Variants in ZFHX4 observed in about 807,000 individuals in gnomAD.
ZFHX4 encodes zinc finger homeobox 4, also known as zinc finger homeobox protein 4.
A neutral mutation model predicts 267.6 loss-of-function variants in ZFHX4; 56 were observed. The ratio of observed to expected loss-of-function variants is 0.21; its 90% CI spans 0.17 to 0.26. The LOEUF (loss-of-function observed/expected upper bound fraction) is 0.26. Among genes scored for constraint, ZFHX4 ranks in the 10% least tolerant of loss-of-function variants. The probability of loss-of-function intolerance (pLI) is 1.00; values close to 1 mark genes in which losing one functional copy is unlikely to be tolerated. For missense variants in ZFHX4, 4,332 were observed against 4,420.0 expected, an observed-to-expected ratio of 0.98 and a Z score of 0.56; for synonymous variants, 1,778 against 1,665.6, an observed-to-expected ratio of 1.07 and a Z score of -1.64.
chr8:76,854,160 A>C lies in ZFHX4; in HGVS notation c.7239A>C (p.Pro2413=). 2 of 1,602,602 alleles carry C rather than the reference A, an allele frequency of 1.2e-6. No homozygotes were observed. The highest frequency in any genetic ancestry group is 1.7e-6 in the Non-Finnish European group (2 of 1,174,234). The change falls in exon 10 of 11, where the codon CCA becomes CCC. Residue 2413 remains proline (P), a synonymous_variant. Transcript: ENST00000651372. ...SPKPEYPAEK[P]KQSDPSPPSQ... The stretch of plus-strand genomic sequence containing the variant: ...AACCTGAATATCCCGCAGAAAAGCC[A>C]AAGCAGAGTGACCCCTCTCCCCCTT...
intron 3 of ZFHX4, among the ~76,000 whole-genome samples, chr8:76,766,040 C>T (rs1007606580): frequency 1.4e-4 from 21 of 151,800 alleles, no homozygotes; most frequent in Admixed American, 3.3e-4. Flanking sequence ...TAATATCCTT[C>T]GGTGATAGAA....
chr8:76,747,098 A>G (rs1406100791), intron 3 of ZFHX4, among the ~76,000 whole-genome samples: 2 of 152,228 alleles, frequency 1.3e-5, no homozygotes, highest in African/African-American at 4.8e-5. Flanking sequence ...GTATTTTTCA[A>G]GGAAAAAAAT....
chr8:76,734,794 T>G (rs1809114411), intron 3 of ZFHX4, among the ~76,000 whole-genome samples: 1 of 152,186 alleles, frequency 6.6e-6, no homozygotes, highest in African/African-American at 2.4e-5. Flanking sequence ...CATCACACTG[T>G]GTAGTCTTTG....
chr8:76,794,058 A>C (rs186585976), intron 4 of ZFHX4, among the ~76,000 whole-genome samples: 3 of 152,106 alleles, frequency 2.0e-5, no homozygotes, highest in African/African-American at 7.2e-5. Context: ...ATCTTAACAG[A>C]ACTTTTTTAT....
At chr8:76,832,719 G>C (rs961806679) in intron 4 of ZFHX4, among the ~76,000 whole-genome samples, 1 of 152,154 alleles carries the variant, frequency 6.6e-6, no homozygotes, top group Non-Finnish European at 1.5e-5. Context: ...CTACAATAGA[G>C]TGCAAAAAGG....
At chr8:76,828,643 T>C (rs1377342560) in intron 4 of ZFHX4, among the ~76,000 whole-genome samples, 3 of 152,176 alleles carry the variant, frequency 2.0e-5, no homozygotes, top group African/African-American at 7.2e-5. Context: ...GTTAGTCACA[T>C]AGCTCCAGTA....
At position 76,856,189 on chromosome 8, in the gene ZFHX4, C is replaced by T; in HGVS notation, c.9268C>T (p.His3090Tyr). The change falls in exon 10 of 11, where the codon CAC becomes TAC. Residue 3090 changes from histidine (H) to tyrosine (Y), a missense_variant. This residue lies in a region of ZFHX4 where 1,648 missense variants were observed against 1,625.0 expected (regional missense o/e 1.01). Coordinates refer to ENST00000651372, the MANE Select transcript of ZFHX4 (RefSeq NM_024721.5). ...QPGMMDSSSL[H>Y]GISLPTAYPG... ...AGGCATGATGGACAGCAGTTCTCTCCACGGCATCAGCCTGCCAACAGCCTA... is the reference window on the plus strand; with the variant it reads ...AGGCATGATGGACAGCAGTTCTCTCTACGGCATCAGCCTGCCAACAGCCTA... 1.2e-6 allele frequency: 2 copies of T among 1,613,968 alleles called. No homozygotes were observed. The highest frequency in any genetic ancestry group is 2.2e-5 in the South Asian group (2 of 91,086).
intron 4 of ZFHX4, among the ~76,000 whole-genome samples, chr8:76,799,439 A>C (rs1178277277): frequency 6.6e-6 from 1 of 152,204 alleles, no homozygotes; most frequent in Non-Finnish European, 1.5e-5. Context: ...GATTTTCACC[A>C]AGCCTTCAAG....
chr8:76,847,590 A>C (rs916636597), intron 6 of ZFHX4, among the ~76,000 whole-genome samples: 2 of 152,018 alleles, frequency 1.3e-5, no homozygotes, highest in African/African-American at 4.8e-5. Context: ...GAATAAAATT[A>C]TTGTCATGAT....
intron 3 of ZFHX4, among the ~76,000 whole-genome samples, chr8:76,773,096 A>G (rs558166272): frequency 6.6e-6 from 1 of 152,310 alleles, no homozygotes; most frequent in Non-Finnish European, 1.5e-5. Context: ...GTCTTGCCCA[A>G]TACTTGCCAT....
At chr8:76,725,220 G>A (rs1199080354) in intron 3 of ZFHX4, among the ~76,000 whole-genome samples, 1 of 151,972 alleles carries the variant, frequency 6.6e-6, no homozygotes, top group Non-Finnish European at 1.5e-5. Flanking sequence ...AATAAATATG[G>A]TACACAATCT....
intron 3 of ZFHX4, among the ~76,000 whole-genome samples, chr8:76,709,234 T>G (rs868150164): frequency 1.3e-5 from 2 of 152,220 alleles, no homozygotes; most frequent in African/African-American, 2.4e-5. Flanking sequence ...AAATGTACTG[T>G]GCATAAAATC....
At chr8:76,850,043 G>C in intron 8 of ZFHX4, 1 of 585,108 alleles carries the variant, frequency 1.7e-6, no homozygotes, top group Non-Finnish European at 3.0e-6. Context: ...GAACCTTTAA[G>C]CCATAATAAT....
intron 3 of ZFHX4, among the ~76,000 whole-genome samples, chr8:76,744,755 T>A (rs959276488): frequency 3.3e-5 from 5 of 152,118 alleles, no homozygotes; most frequent in African/African-American, 4.8e-5. Context: ...ATTAAAAAAA[T>A]TTTTTTAGAT....
intron 6 of ZFHX4, among the ~76,000 whole-genome samples, chr8:76,845,223 T>C (rs1295974121): frequency 6.6e-6 from 1 of 152,120 alleles, no homozygotes; most frequent in Non-Finnish European, 1.5e-5. Context: ...TTGTTGAATA[T>C]TCATTCATAA....
chr8:76,796,041 T>G (rs528390606), intron 4 of ZFHX4, among the ~76,000 whole-genome samples: 1 of 152,126 alleles, frequency 6.6e-6, no homozygotes, highest in Non-Finnish European at 1.5e-5. Flanking sequence ...GTAGTTTAAA[T>G]CAGGAGAGAA....
chr8:76,771,172 C>T (rs1810254078), intron 3 of ZFHX4, among the ~76,000 whole-genome samples: 1 of 152,108 alleles, frequency 6.6e-6, no homozygotes, highest in East Asian at 1.9e-4. Flanking sequence ...CAAATAGCAT[C>T]TTTCTCCACC....
At chr8:76,802,312 C>T (rs1418336592) in intron 4 of ZFHX4, among the ~76,000 whole-genome samples, 2 of 152,000 alleles carry the variant, frequency 1.3e-5, no homozygotes, top group South Asian at 2.1e-4. Context: ...TTCAATACAC[C>T]GTATAAAGAG....
chr8:76,767,826 G>T (rs939017357), intron 3 of ZFHX4, among the ~76,000 whole-genome samples: 14 of 152,244 alleles, frequency 9.2e-5, no homozygotes, highest in Admixed American at 3.3e-4. Context: ...GGTGGTTATT[G>T]AACATGTTCT....
Sources: allele counts gnomAD v4.1 joint callset (sites outside exome capture counted in the v4.1 genomes callset), GRCh38; gene constraint gnomAD v4.1.1; regional missense constraint gnomAD v4.1.1; transcripts MANE v1.5; gene names NCBI Gene and HGNC (gene_info 2026-07-23, HGNC 2026-07-21).